The following SYNE1 variants were observed in gnomAD, a reference collection of about 807,000 sequenced individuals.
The protein encoded by SYNE1 is nesprin-1.
SYNE1 carries 616 observed loss-of-function variants against 1,111.0 expected under a neutral mutation model. The observed-to-expected ratio is 0.55, with a 90% confidence interval of 0.52 to 0.59. The LOEUF (loss-of-function observed/expected upper bound fraction) is 0.59, where lower values mean the gene tolerates loss of function less well. Ranked by LOEUF, SYNE1 falls within the 20% of genes least tolerant of loss-of-function variation. The pLI, the probability that SYNE1 is intolerant of heterozygous loss-of-function variation, is 0.00. For synonymous variants in SYNE1, 3,855 were observed against 3,825.8 expected (o/e 1.01, Z -0.28); for missense variants, 10,006 against 10,417.0 (o/e 0.96, Z 1.72).
At position 152,145,483 on chromosome 6, in the gene SYNE1, C is replaced by T. The variant is rs370143116; in HGVS notation, c.24977-1718G>A. 172 of 1,613,626 alleles carry T rather than the reference C, an allele frequency of 1.1e-4. 1 individual carries two copies. Among genetic ancestry groups the T allele is most frequent in the Non-Finnish European group, 9.6e-5 (113 of 1,179,850 alleles). ...GGAGGCTGGCTCCGGCTTGTTGTGC[C>T]TACCGGAGGTATTTTTGATTGCATT... On this transcript the variant is annotated intron_variant, in intron 137 of 145. Coordinates refer to ENST00000367255, the MANE Select transcript of SYNE1 (RefSeq NM_182961.4).
intron 129 of SYNE1, chr6:152,179,207 C>T (rs1369281686): frequency 6.6e-6 from 1 of 151,944 alleles, no homozygotes; most frequent in Non-Finnish European, 1.5e-5. Context: ...AGCCACCGCA[C>T]CCGGCCGAAA....
intron 28 of SYNE1, among the ~76,000 whole-genome samples, chr6:152,448,616 C>A (rs1053157415): frequency 6.6e-6 from 1 of 152,046 alleles, no homozygotes; most frequent in Non-Finnish European, 1.5e-5. Context: ...CCGAGCAGGG[C>A]GGATCGCTTG....
chr6:152,347,682 CTTTTTTTTT>C (rs11451810), intron 72 of SYNE1, among the ~76,000 whole-genome samples: 1 of 138,990 alleles, frequency 7.2e-6, no homozygotes, highest in Non-Finnish European at 1.5e-5. Context: ...TTTTGTCATT[CTTTTTTTTT>C]TTTTTTTAAG....
intron 6 of SYNE1, among the ~76,000 whole-genome samples, chr6:152,515,415 T>C (rs1048882737): frequency 6.6e-6 from 1 of 152,142 alleles, no homozygotes; most frequent in African/African-American, 2.4e-5. Flanking sequence ...TTCTCAACAA[T>C]AATGCAAGTA....
Position 152,385,816 on chromosome 6 carries a change from T to C in SYNE1, c.8510A>G (p.Glu2837Gly). 1 of 1,614,094 alleles carries C rather than the reference T, an allele frequency of 6.2e-7. No individual in the cohort carries two copies. Among genetic ancestry groups the C allele is most frequent in the Non-Finnish European group, 8.5e-7 (1 of 1,179,970 alleles). ...ATACATTAGATGATCTTTCACAATC[T>C]CTTCCACTTTCCTCATTTTTTCCTA... ...VAKEKMRKVE[E>G]IVKDHLMYLD... is the part of the protein sequence containing the mutation. Residue 2837 changes from glutamate (E) to glycine (G), a missense_variant, in exon 55 of 146, where the codon GAG becomes GGG. Transcript: ENST00000367255.
At chr6:152,544,568 A>C (rs1288907617) in intron 3 of SYNE1, among the ~76,000 whole-genome samples, 2 of 151,444 alleles carry the variant, frequency 1.3e-5, no homozygotes, top group Non-Finnish European at 2.9e-5. Flanking sequence ...GTTCTGGCTC[A>C]GGTATTCAAT....
intron 107 of SYNE1, 27 bp from the exon 108 acceptor site, chr6:152,239,733 C>A: frequency 1.2e-6 from 2 of 1,613,630 alleles, no homozygotes; most frequent in South Asian, 2.2e-5. Context: ...AGAAAGAAGT[C>A]AGCAACTCAT....
intron 27 of SYNE1, among the ~76,000 whole-genome samples, chr6:152,450,218 A>G (rs1341833554): frequency 6.6e-6 from 1 of 152,198 alleles, no homozygotes; most frequent in African/African-American, 2.4e-5. Context: ...CCTTCCTGCC[A>G]TCATGTGAAG....
Position 152,331,064 on chromosome 6 carries a change from T to C in SYNE1, c.13621A>G (p.Ser4541Gly). 6.2e-7 allele frequency: 1 copy of C among 1,614,158 alleles called. No individual in the cohort carries two copies. Among genetic ancestry groups the C allele is most frequent in the Non-Finnish European group, 8.5e-7 (1 of 1,180,028 alleles). The change falls in exon 78 of 146, where the codon AGT (serine) becomes GGT (glycine). Residue 4541 changes from serine (S) to glycine (G), a missense_variant. Coordinates refer to ENST00000367255, the MANE Select transcript of SYNE1 (RefSeq NM_182961.4). ...TTTTGTAAAACACTGTCATAGACAC[T>C]CTGCAATTCCTGAAGCTTCCCCAGC... Reference protein sequence around the residue: ...EVLGKLQELQSVYDSVLQKCS... With the variant: ...EVLGKLQELQGVYDSVLQKCS...
rs199660419 is a variant in SYNE1, at chr6:152,184,437, CAA to C, written c.23302-4145_23302-4144del. Among the ~76,000 whole-genome samples, 751 of 104,728 alleles carry C rather than the reference CAA, an allele frequency of 7.2e-3. 7 individuals carry two copies. Among genetic ancestry groups the C allele is most frequent in the African/African-American group, 0.011 (333 of 29,060 alleles). The allele number at this position is 104,728 out of a possible 152,430, so 68.7% of individuals were successfully genotyped here. Reference sequence around the variant, plus strand: ...GGGCAACAAGGGTGAAACTCTGTTTCAAAAAAAAAAAAAAAAAAAGAAAGAAA... The same window carrying C: ...GGGCAACAAGGGTGAAACTCTGTTTCAAAAAAAAAAAAAAAAAGAAAGAAA... On this transcript the variant is annotated intron_variant, in intron 128 of 145. Transcript: ENST00000367255.
intron 130 of SYNE1, among the ~76,000 whole-genome samples, chr6:152,174,160 G>A (rs1319530028): frequency 3.9e-5 from 6 of 152,128 alleles, no homozygotes; most frequent in East Asian, 3.9e-4. Context: ...ACTGGATTAC[G>A]TGGAAATGTC....
chr6:152,391,202 C>T (rs2097617680), intron 52 of SYNE1, 75 bp downstream of exon 52: 1 of 1,600,988 alleles, frequency 6.2e-7, no homozygotes, highest in Non-Finnish European at 8.5e-7. Flanking sequence ...ACAATTAGGA[C>T]ACAACACAAG....
chr6:152,260,143 G>A (rs1442633565), intron 101 of SYNE1, among the ~76,000 whole-genome samples: 5 of 152,190 alleles, frequency 3.3e-5, no homozygotes, highest in African/African-American at 4.8e-5. Context: ...AGAATAATAC[G>A]CAAGCACAGA....
At chr6:152,495,210 G>C (rs928086059) in intron 11 of SYNE1, among the ~76,000 whole-genome samples, 1 of 152,180 alleles carries the variant, frequency 6.6e-6, no homozygotes, top group Admixed American at 6.6e-5. Flanking sequence ...AGGATTGGCA[G>C]ATTGACTTTA....
intron 88 of SYNE1, 27 bp downstream of exon 88, chr6:152,310,659 TTC>T (rs1276868790): frequency 1.2e-6 from 2 of 1,610,800 alleles, no homozygotes; most frequent in African/African-American, 1.3e-5. Flanking sequence ...AGACATTTTT[TTC>T]TGTTTCTTTT....
intron 97 of SYNE1, among the ~76,000 whole-genome samples, chr6:152,281,545 T>C (rs2094028377): frequency 6.6e-6 from 1 of 152,246 alleles, no homozygotes; most frequent in Non-Finnish European, 1.5e-5. Context: ...ACAGATATTA[T>C]GGTATTTTGG....
At chr6:152,463,213 A>G (rs919902362) in intron 19 of SYNE1, 140 bp downstream of exon 19, 5 of 1,215,694 alleles carry the variant, frequency 4.1e-6, no homozygotes, top group Admixed American at 4.0e-5. Context: ...AGAACCAACC[A>G]TAAAACACAC....
rs551753450 is a variant in SYNE1 at position 152,524,720 on chromosome 6, G to A, written c.225+1360C>T. On this transcript the variant is annotated intron_variant, in intron 5 of 145. Transcript: ENST00000367255. ...TGAGGATGTGTGGAGAGCGAGATGG[G>A]GAAGGAGGAAAAGCTAACAAAGGAT... 2.0e-5 allele frequency among the ~76,000 whole-genome samples: 3 copies of A among 152,166 alleles called. No individual in the cohort carries two copies. The East Asian group carries it at 5.8e-4, about 29-fold the overall frequency.
At chr6:152,194,128 G>T (rs755908633) in intron 127 of SYNE1, among the ~76,000 whole-genome samples, 3 of 151,486 alleles carry the variant, frequency 2.0e-5, no homozygotes, top group Non-Finnish European at 4.4e-5. Context: ...CTTTCTTATT[G>T]CTCATTAACA....
Sources: gnomAD v4.1 joint callset for allele counts (sites outside exome capture counted in the v4.1 genomes callset) on GRCh38, gnomAD v4.1.1 for gene constraint, MANE v1.5 for transcripts, NCBI Gene and HGNC (gene_info 2026-07-23, HGNC 2026-07-21) for gene names.